The following STIP1 variants were observed in gnomAD, a reference collection of about 807,000 sequenced individuals.
STIP1 encodes the protein stress-induced-phosphoprotein 1.
STIP1 carries 16 observed loss-of-function variants against 77.4 expected under a neutral mutation model. The ratio of observed to expected loss-of-function variants is 0.21; its 90% CI spans 0.14 to 0.31. The LOEUF (loss-of-function observed/expected upper bound fraction) is 0.31. Among genes scored for constraint, STIP1 ranks in the 10% least tolerant of loss-of-function variants. The pLI, the probability that STIP1 is intolerant of heterozygous loss-of-function variation, is 1.00. For synonymous variants in STIP1, 258 were observed against 246.6 expected, an observed-to-expected ratio of 1.05 and a Z score of -0.44; for missense variants, 524 against 684.8, an observed-to-expected ratio of 0.77 and a Z score of 2.62.
At chr11:64,191,706 G>A (rs1946094480) in intron 1 of STIP1, among the ~76,000 whole-genome samples, 1 of 151,914 alleles carries the variant, frequency 6.6e-6, no homozygotes, top group South Asian at 2.1e-4. Context: ...GCTCAGTAAG[G>A]AGAAACCCTT....
At position 64,188,987 on chromosome 11, in the gene STIP1, T is replaced by C. The variant is rs181259228; in HGVS notation, c.9+2717T>C. The stretch of plus-strand genomic sequence containing the variant: ...ATCCCAGCACTTTGGGAGGCCGAGG[T>C]GGGCGGATCATGAGGTCAGGAGTTT... On this transcript the variant is annotated intron_variant, in intron 1 of 13. Coordinates refer to ENST00000305218, the MANE Select transcript of STIP1 (RefSeq NM_006819.3). 4.4e-3 allele frequency among the ~76,000 whole-genome samples: 663 copies of C among 152,212 alleles called. 4 individuals carry two copies. The highest frequency in any genetic ancestry group is 0.015 in the African/African-American group (627 of 41,518).
chr11:64,191,308 T>TC (rs1946090138), intron 1 of STIP1, among the ~76,000 whole-genome samples: 1 of 151,462 alleles, frequency 6.6e-6, no homozygotes, highest in Non-Finnish European at 1.5e-5. Flanking sequence ...GATGCCATCT[T>TC]TAAAAAAAAA....
chr11:64,190,589 A>G (rs1393171178), intron 1 of STIP1, among the ~76,000 whole-genome samples: 1 of 152,210 alleles, frequency 6.6e-6, no homozygotes, highest in Non-Finnish European at 1.5e-5. Context: ...TGCTGAGATT[A>G]CAGCCTAAAA....
chr11:64,203,623 G>A lies in STIP1; in HGVS notation c.1559+1G>A. 1 of 1,614,230 alleles carries A rather than the reference G, an allele frequency of 6.2e-7. No homozygotes were observed. The highest frequency in any genetic ancestry group is 8.5e-7 in the Non-Finnish European group (1 of 1,180,040). On this transcript the variant is annotated splice_donor_variant, in intron 13 of 13. Coordinates refer to ENST00000305218, the MANE Select transcript of STIP1 (RefSeq NM_006819.3). LOFTEE classifies it high-confidence loss of function. ...AGAAGGACCCCCAGGCACTCAGCGA[G>A]TACGTAGAGTCAGAGAGGCGGCCTT...
rs376850994 is a variant in STIP1 at position 64,203,540 on chromosome 11, C to T, written c.1477C>T (p.Pro493Ser). 6.2e-7 allele frequency: 1 copy of T among 1,614,078 alleles called. No individual in the cohort carries two copies. The highest frequency in any genetic ancestry group is 1.3e-5 in the African/African-American group (1 of 74,922). Residue 493 changes from proline to serine, a missense_variant, in exon 13 of 14, where the codon CCT (proline) becomes TCT (serine). Pro to Ser is a moderately conservative substitution (Grantham distance 74). Transcript: ENST00000305218. ...TGTGAAGCGACGAGCCATGGCCGAC[C>T]CTGAGGTGCAGCAGATCATGAGTGA... ...EDVKRRAMAD[P>S]EVQQIMSDPA...
At chr11:64,192,493 C>A (rs1946103794) in intron 1 of STIP1, among the ~76,000 whole-genome samples, 1 of 152,144 alleles carries the variant, frequency 6.6e-6, no homozygotes, top group African/African-American at 2.4e-5. Flanking sequence ...CATTAATGAA[C>A]ATTTATCTAT....
intron 8 of STIP1, among the ~76,000 whole-genome samples, chr11:64,198,826 C>T (rs112901524): frequency 0.013 from 1,871 of 139,082 alleles, 43 homozygotes; most frequent in African/African-American, 0.047. Flanking sequence ...ATATTGAGGG[C>T]CTGTGCATTG....
intron 1 of STIP1, among the ~76,000 whole-genome samples, chr11:64,189,326 A>G (rs1481980883): frequency 6.7e-6 from 1 of 150,038 alleles, no homozygotes; most frequent in Non-Finnish European, 1.5e-5. Flanking sequence ...GCGCCACTGC[A>G]CTCCAGACTG....
intron 1 of STIP1, among the ~76,000 whole-genome samples, chr11:64,187,444 C>G (rs1418258901): frequency 6.6e-6 from 1 of 152,180 alleles, no homozygotes; most frequent in East Asian, 1.9e-4. Context: ...ATCGCCCACA[C>G]TCTCCCCTTA....
chr11:64,191,525 G>T (rs1216339785), intron 1 of STIP1, among the ~76,000 whole-genome samples: 1 of 152,196 alleles, frequency 6.6e-6, no homozygotes, highest in Non-Finnish European at 1.5e-5. Context: ...AGAATCGCTT[G>T]AACCTAGGAG....
intron 1 of STIP1, among the ~76,000 whole-genome samples, chr11:64,192,570 A>G (rs1243159765): frequency 6.6e-6 from 1 of 152,232 alleles, no homozygotes; most frequent in African/African-American, 2.4e-5. Flanking sequence ...GGAGATGACA[A>G]CTATGCCATA....
At chr11:64,186,324 G>A in intron 1 of STIP1, 54 bp downstream of exon 1, 4 of 360,738 alleles carry the variant, frequency 1.1e-5, no homozygotes, top group South Asian at 2.6e-5. Flanking sequence ...ACCGGCGGTG[G>A]CCAGGCCGCG....
chr11:64,189,675 T>C (rs907188586), intron 1 of STIP1, among the ~76,000 whole-genome samples: 6 of 152,250 alleles, frequency 3.9e-5, no homozygotes, highest in African/African-American at 1.4e-4. Flanking sequence ...TTTACTGTTA[T>C]GTGCACTGTG....
At position 64,204,408 on chromosome 11, in the gene STIP1, G is replaced by A. The variant is rs14788; in HGVS notation, c.*282G>A. The A allele has an allele frequency of 5.0e-6, 2 of 399,784 alleles. No individual in the cohort carries two copies. Among genetic ancestry groups the A allele is most frequent in the Non-Finnish European group, 8.9e-6 (2 of 224,236 alleles). 24.8% of individuals were successfully genotyped at this position (399,784 alleles called of 1,614,324 possible). A position where few individuals can be genotyped will look rare whatever the true frequency, so the allele number is the denominator to read the frequency against. On this transcript the variant is annotated 3_prime_UTR_variant, in exon 14 of 14. Coordinates refer to ENST00000305218, the MANE Select transcript of STIP1 (RefSeq NM_006819.3). ...TGTCTCGGCTGCTCTCCCATAGTTGGTTTTTTTTTTATTTGGGGCAGTGGG... is the reference window on the plus strand; with the variant it reads ...TGTCTCGGCTGCTCTCCCATAGTTGATTTTTTTTTTATTTGGGGCAGTGGG...
chr11:64,203,651 T>C, intron 13 of STIP1, 29 bp downstream of exon 13: 1 of 1,613,826 alleles, frequency 6.2e-7, no homozygotes, highest in Non-Finnish European at 8.5e-7. Context: ...GCGGCCTTGC[T>C]GGAAATGGAG....
At chr11:64,195,261 A>ACC in intron 4 of STIP1, among the ~76,000 whole-genome samples, 1 of 151,882 alleles carries the variant, frequency 6.6e-6, no homozygotes, top group South Asian at 2.1e-4. Context: ...TTACAGGTGT[A>ACC]CGCCACCACG....
At chr11:64,202,836 A>AAGGGAATGAC (rs765961132) in intron 10 of STIP1, 40 bp from the exon 11 acceptor site, 1 of 1,613,930 alleles carries the variant, frequency 6.2e-7, no homozygotes, top group East Asian at 2.2e-5. Context: ...GAGCTTGTCC[A>AAGGGAATGAC]AGGGAATGAG....
At chr11:64,187,783 C>G (rs186990638) in intron 1 of STIP1, among the ~76,000 whole-genome samples, 27 of 152,042 alleles carry the variant, frequency 1.8e-4, no homozygotes, top group African/African-American at 6.5e-4. Flanking sequence ...AGGCGGATCA[C>G]GAGGTCAGGA....
chr11:64,203,614 A>G lies in STIP1; in HGVS notation c.1551A>G (p.Ala517=), dbSNP rs1390164893. The G allele has an allele frequency of 6.2e-7, 1 of 1,614,090 alleles. No individual in the cohort carries two copies. The highest frequency in any genetic ancestry group is 8.5e-7 in the Non-Finnish European group (1 of 1,180,042). The change falls in exon 13 of 14, where the codon GCA becomes GCG. Residue 517 remains alanine, a synonymous_variant. Coordinates refer to ENST00000305218, the MANE Select transcript of STIP1 (RefSeq NM_006819.3). ...AACAGATGCAGAAGGACCCCCAGGCACTCAGCGAGTACGTAGAGTCAGAGA... is the reference window on the plus strand; with the variant it reads ...AACAGATGCAGAAGGACCCCCAGGCGCTCAGCGAGTACGTAGAGTCAGAGA... ...ILEQMQKDPQ[A]LSEHLKNPVI... is the part of the protein sequence containing the mutation.
Sources: gnomAD v4.1 joint callset for allele counts (sites outside exome capture counted in the v4.1 genomes callset) on GRCh38, gnomAD v4.1.1 for gene constraint, MANE v1.5 for transcripts, NCBI Gene and HGNC (gene_info 2026-07-23, HGNC 2026-07-21) for gene names.